Variants in COL21A1 observed in about 807,000 individuals in gnomAD.
COL21A1 encodes collagen alpha-1(XXI) chain.
A neutral mutation model predicts 137.9 loss-of-function variants in COL21A1; 149 were observed. The observed-to-expected ratio is 1.08, with a 90% CI of 0.95 to 1.24. The LOEUF (loss-of-function observed/expected upper bound fraction) is 1.24. COL21A1 is among the 50% of genes most tolerant of loss of function. The probability of loss-of-function intolerance (pLI) is 0.00; values close to 1 mark genes in which losing one functional copy is unlikely to be tolerated. For missense variants in COL21A1, 1,167 were observed against 1,158.4 expected (o/e 1.01, Z -0.11); for synonymous variants, 456 against 391.5 (o/e 1.16, Z -1.95).
chr6:56,067,253 G>A (rs1472631345), intron 23 of COL21A1, 42 bp downstream of exon 23: 2 of 1,517,368 alleles, frequency 1.3e-6, no homozygotes, highest in Non-Finnish European at 1.8e-6. Flanking sequence ...TAAAAGCTCT[G>A]ATTTTATTGC....
In COL21A1 at chr6:56,057,673, T is replaced by C. The variant is rs767432926; in HGVS notation, c.2858A>G (p.Lys953Arg). ...SVIARRDPFR[K>R]GPNY ...CATCAGACACTAATAGTTTGGTCCTTTTCTGAACGGATCTCTTCTGGCAAT... is the reference window on the plus strand; with the variant it reads ...CATCAGACACTAATAGTTTGGTCCTCTTCTGAACGGATCTCTTCTGGCAAT... The change falls in exon 30 of 30, where the codon AAA becomes AGA. Residue 953 changes from lysine (K) to arginine (R), a missense_variant. Coordinates refer to ENST00000244728, the MANE Select transcript of COL21A1 (RefSeq NM_030820.4). 1 of 1,613,162 alleles carries C rather than the reference T, an allele frequency of 6.2e-7. No individual in the cohort carries two copies.
At chr6:56,094,759 C>A (rs774475864) in intron 17 of COL21A1, among the ~76,000 whole-genome samples, 1 of 152,160 alleles carries the variant, frequency 6.6e-6, no homozygotes, top group Non-Finnish European at 1.5e-5. Context: ...AATACCAATC[C>A]ATGAGACAGG....
intron 1 of COL21A1, among the ~76,000 whole-genome samples, chr6:56,274,228 G>A (rs1024862628): frequency 2.0e-5 from 3 of 152,018 alleles, no homozygotes; most frequent in Non-Finnish European, 4.4e-5. Flanking sequence ...AAAATAATAG[G>A]AGCCATCTAT....
chr6:56,164,795 C>A lies in COL21A1; in HGVS notation c.1287+19G>T, dbSNP rs943052840. The A allele has an allele frequency of 1.3e-5, 21 of 1,562,740 alleles. No individual in the cohort carries two copies. The highest frequency in any genetic ancestry group is 1.7e-5 in the Non-Finnish European group (20 of 1,150,376). ...AATACAAATATTACCTTAAGGGGAA[C>A]AATAGTATCCAAGCCTACCTCTCCA... On this transcript the variant is annotated intron_variant, in intron 8 of 29. Transcript: ENST00000244728.
rs76226292 is a variant in COL21A1, at chr6:56,160,943, G to C, written c.1371+3480C>G. 7.2e-5 allele frequency among the ~76,000 whole-genome samples: 11 copies of C among 152,216 alleles called. No individual in the cohort carries two copies. In the South Asian group the frequency reaches 2.3e-3, roughly 32 times the overall value. ...CATGCTACCCCTCTGGTCTCCACAA[G>C]AGCATCTGACCTAAGACCTATTCCA... On this transcript the variant is annotated intron_variant, in intron 9 of 29. Transcript: ENST00000244728.
At chr6:56,345,832 T>C (rs1262942928) in intron 1 of COL21A1, among the ~76,000 whole-genome samples, 2 of 152,224 alleles carry the variant, frequency 1.3e-5, no homozygotes, top group African/African-American at 4.8e-5. Flanking sequence ...AGGGGCCTTC[T>C]GGTAAAACAC....
At chr6:56,287,868 G>A (rs1434760547) in intron 1 of COL21A1, among the ~76,000 whole-genome samples, 1 of 152,012 alleles carries the variant, frequency 6.6e-6, no homozygotes, top group African/African-American at 2.4e-5. Flanking sequence ...TGTGATGTGA[G>A]AAGGATTCAG....
upstream of COL21A1, among the ~76,000 whole-genome samples, chr6:56,249,759 G>A (rs1009975372): frequency 7.2e-5 from 11 of 152,204 alleles, no homozygotes; most frequent in Non-Finnish European, 2.9e-5. Context: ...TGGGAATGGG[G>A]TTTGCTTTGG....
At chr6:56,290,322 C>A (rs1472007443) in intron 1 of COL21A1, among the ~76,000 whole-genome samples, 2 of 151,906 alleles carry the variant, frequency 1.3e-5, no homozygotes, top group South Asian at 2.1e-4. Flanking sequence ...CATAGCAGCA[C>A]CCCTGGCCCC....
At chr6:56,126,265 G>C in intron 12 of COL21A1, 116 bp from the exon 13 acceptor site, 1 of 645,454 alleles carries the variant, frequency 1.5e-6, no homozygotes, top group Non-Finnish European at 2.7e-6. Flanking sequence ...TCTGCAAACA[G>C]TTAATTTCAT....
At chr6:56,331,245 G>A (rs934128895) in intron 1 of COL21A1, among the ~76,000 whole-genome samples, 2 of 151,502 alleles carry the variant, frequency 1.3e-5, no homozygotes, top group Non-Finnish European at 2.9e-5. Flanking sequence ...CCATTCTGCA[G>A]GTTGTCTATT....
chr6:56,227,663 C>T (rs1384411882), intron 1 of COL21A1, among the ~76,000 whole-genome samples: 1 of 151,922 alleles, frequency 6.6e-6, no homozygotes, highest in Non-Finnish European at 1.5e-5. Flanking sequence ...CCATTCATTC[C>T]ACAATATGCA....
chr6:56,377,813 G>A (rs541826650), intron 1 of COL21A1, among the ~76,000 whole-genome samples: 51 of 152,174 alleles, frequency 3.4e-4, no homozygotes, highest in African/African-American at 1.2e-3. Flanking sequence ...AAAGAGATAT[G>A]TTCCTTCCAC....
intron 12 of COL21A1, among the ~76,000 whole-genome samples, chr6:56,130,245 T>G (rs569484042): frequency 9.5e-4 from 138 of 144,638 alleles, no homozygotes; most frequent in African/African-American, 3.4e-3. Context: ...ATTTAAAATT[T>G]GAAATTAAAA....
intron 1 of COL21A1, among the ~76,000 whole-genome samples, chr6:56,316,122 T>C (rs1458050138): frequency 6.6e-6 from 1 of 152,214 alleles, no homozygotes; most frequent in Non-Finnish European, 1.5e-5. Flanking sequence ...ATATTTATGG[T>C]ATACAATATG....
At chr6:56,323,627 A>C (rs1362710719) in intron 1 of COL21A1, among the ~76,000 whole-genome samples, 1 of 152,024 alleles carries the variant, frequency 6.6e-6, no homozygotes, top group East Asian at 1.9e-4. Flanking sequence ...TGAACTCGTG[A>C]TCCACCCTCC....
chr6:56,152,209 G>A lies in COL21A1; in HGVS notation c.1434+4678C>T, dbSNP rs189925427. On this transcript the variant is annotated intron_variant, in intron 10 of 29. Transcript: ENST00000244728. ...GCTTCTAGAGGCTGCCATTGTTCCT[G>A]GGCTCACGATTACCTCACTGTGCTC... Among the ~76,000 whole-genome samples the A allele has an allele frequency of 3.8e-3, 578 of 152,150 alleles. 2 individuals carry two copies. Among genetic ancestry groups the A allele is most frequent in the African/African-American group, 0.013 (528 of 41,516 alleles).
intron 3 of COL21A1, among the ~76,000 whole-genome samples, chr6:56,175,961 C>G (rs1307878708): frequency 5.9e-5 from 9 of 151,996 alleles, no homozygotes; most frequent in Admixed American, 5.9e-4. Context: ...GAATAGAGAG[C>G]CCAGAAAACA....
chr6:56,177,018 G>GGAA (rs145607927), intron 3 of COL21A1, among the ~76,000 whole-genome samples: 16,245 of 150,750 alleles, frequency 0.11, 1,100 homozygotes, highest in African/African-American at 0.18. Context: ...AGAAGGAGGA[G>GGAA]GAAGAAGAAG....
Sources: allele counts gnomAD v4.1 joint callset (sites outside exome capture counted in the v4.1 genomes callset), GRCh38; gene constraint gnomAD v4.1.1; transcripts MANE v1.5; gene names NCBI Gene and HGNC (gene_info 2026-07-23, HGNC 2026-07-21).